CBLB: variants seen among roughly 807,000 people sequenced by gnomAD.
The protein encoded by CBLB is E3 ubiquitin-protein ligase CBL-B.
A neutral mutation model predicts 104.9 loss-of-function variants in CBLB; 31 were observed. The observed-to-expected ratio is 0.30, with a 90% confidence interval of 0.22 to 0.40. The LOEUF is 0.40. CBLB is among the 10% of genes least tolerant of loss of function. The pLI, the probability that CBLB is intolerant of heterozygous loss-of-function variation, is 1.00. For missense variants in CBLB, 1,062 were observed against 1,214.6 expected (o/e 0.87, Z 1.87); for synonymous variants, 440 against 422.6 (o/e 1.04, Z -0.51).
At chr3:105,820,727 T>C (rs1460900045) in intron 3 of CBLB, among the ~76,000 whole-genome samples, 1 of 152,132 alleles carries the variant, frequency 6.6e-6, no homozygotes, top group South Asian at 2.1e-4. Flanking sequence ...GAATTTTTTT[T>C]AATTTTATAC....
At position 105,764,324 on chromosome 3, in the gene CBLB, T is replaced by C. The variant is rs1409964692; in HGVS notation, c.566+12072A>G. Among the ~76,000 whole-genome samples the C allele has an allele frequency of 2.0e-5, 3 of 152,186 alleles. No homozygotes were observed. In the East Asian group the frequency reaches 5.8e-4, roughly 29 times the overall value. On this transcript the variant is annotated intron_variant, in intron 4 of 18. Transcript: ENST00000394030. ...TGTCCAGGAAAGGATTGTGATGAAT[T>C]AGAAGAGAGATTATCTAAGAAAAAC...
intron 3 of CBLB, among the ~76,000 whole-genome samples, chr3:105,781,090 T>A (rs1195952374): frequency 6.6e-6 from 1 of 152,010 alleles, no homozygotes; most frequent in African/African-American, 2.4e-5. Context: ...GAGGGAGGAA[T>A]AAAAACCAAG....
At position 105,838,284 on chromosome 3, in the gene CBLB, A is replaced by C. The variant is rs77377414; in HGVS notation, c.419+15130T>G. On this transcript the variant is annotated intron_variant, in intron 3 of 18. Transcript: ENST00000394030. ...TTTTTTTTTTTTTTTTTTTGTAGAG[A>C]TGGGGTCTCTCTGTTACCCAGGCTC... Among the ~76,000 whole-genome samples the C allele has an allele frequency of 6.3e-3, 637 of 100,968 alleles. 22 individuals are homozygous for C. In the East Asian group the frequency reaches 0.074, roughly 12 times the overall value. 66.2% of individuals were successfully genotyped at this position (100,968 alleles called of 152,430 possible).
intron 3 of CBLB, chr3:105,839,527 A>C (rs1233517482): frequency 1.3e-5 from 2 of 152,254 alleles, no homozygotes; most frequent in Admixed American, 1.3e-4. Flanking sequence ...TTTAAGTTTA[A>C]AAATGCCAAG....
rs114656391 is a variant in CBLB, at chr3:105,802,554, G to A, written c.420-26012C>T. 1.7e-3 allele frequency among the ~76,000 whole-genome samples: 263 copies of A among 152,272 alleles called. 1 individual carries two copies. Among genetic ancestry groups the A allele is most frequent in the African/African-American group, 5.7e-3 (235 of 41,550 alleles). ...ATGAAGGTCCCACGGGATTTGTAAC[G>A]GACCCACAGCTAACACCAATACATG... On this transcript the variant is annotated intron_variant, in intron 3 of 18. Coordinates refer to ENST00000394030, the MANE Select transcript of CBLB (RefSeq NM_170662.5).
chr3:105,841,331 C>CACAAAA (rs1482886960), intron 3 of CBLB, among the ~76,000 whole-genome samples: 6 of 151,666 alleles, frequency 4.0e-5, no homozygotes, highest in Non-Finnish European at 8.8e-5. Flanking sequence ...ATGTTCACAC[C>CACAAAA]ACAAAGTTTC....
chr3:105,805,881 T>C (rs181989879), intron 3 of CBLB, among the ~76,000 whole-genome samples: 6 of 151,586 alleles, frequency 4.0e-5, no homozygotes, highest in Admixed American at 3.9e-4. Context: ...CACTGCATGA[T>C]TCTTAAGAAA....
At chr3:105,867,295 T>C (rs1205891935) in intron 2 of CBLB, 115 bp downstream of exon 2, 15 of 1,029,840 alleles carry the variant, frequency 1.5e-5, no homozygotes, top group African/African-American at 6.3e-5. Context: ...TGAATTGAAA[T>C]CAAAAGATTG....
chr3:105,761,142 G>A (rs113935858), intron 4 of CBLB, among the ~76,000 whole-genome samples: 40 of 152,174 alleles, frequency 2.6e-4, no homozygotes, highest in African/African-American at 9.2e-4. Flanking sequence ...AAGTGATTCT[G>A]GTGCCTCAGC....
chr3:105,841,998 G>C (rs2089616131), intron 3 of CBLB, among the ~76,000 whole-genome samples: 1 of 151,314 alleles, frequency 6.6e-6, no homozygotes, highest in African/African-American at 2.4e-5. Flanking sequence ...AGATAATAGG[G>C]ACAGTGTTTT....
chr3:105,864,569 A>T (rs2092315393), intron 2 of CBLB, among the ~76,000 whole-genome samples: 5 of 152,170 alleles, frequency 3.3e-5, no homozygotes. Flanking sequence ...ATGTTTTGGG[A>T]TATGCTACTA....
intron 3 of CBLB, among the ~76,000 whole-genome samples, chr3:105,804,974 C>T (rs1166085576): frequency 6.6e-6 from 1 of 152,168 alleles, no homozygotes; most frequent in Non-Finnish European, 1.5e-5. Flanking sequence ...TTCTTCACTG[C>T]ATGGTAACTT....
At chr3:105,688,416 T>C (rs1195799077) in intron 13 of CBLB, among the ~76,000 whole-genome samples, 1 of 152,074 alleles carries the variant, frequency 6.6e-6, no homozygotes, top group Non-Finnish European at 1.5e-5. Context: ...AATACATTCA[T>C]CTTCTACATA....
intron 4 of CBLB, among the ~76,000 whole-genome samples, chr3:105,759,889 A>T (rs1576951376): frequency 2.0e-5 from 3 of 152,194 alleles, no homozygotes; most frequent in Admixed American, 2.0e-4. Context: ...CCTGCTCCAT[A>T]GAGCACACAG....
chr3:105,670,784 C>G (rs987058653), intron 17 of CBLB: 1 of 170,902 alleles, frequency 5.9e-6, no homozygotes, highest in Non-Finnish European at 1.3e-5. Context: ...TACTTGATCT[C>G]TCTAAGCATT....
intron 4 of CBLB, among the ~76,000 whole-genome samples, chr3:105,773,489 TTCAA>T (rs1184635090): frequency 2.0e-5 from 3 of 152,192 alleles, no homozygotes; most frequent in African/African-American, 4.8e-5. Flanking sequence ...AAATCACCAC[TTCAA>T]TCAATCACTT....
Position 105,810,855 on chromosome 3 carries a change from C to T in CBLB, c.420-34313G>A, listed in dbSNP as rs180976832. Among the ~76,000 whole-genome samples the T allele has an allele frequency of 1.6e-4, 24 of 152,126 alleles. 1 individual carries two copies. The South Asian group carries it at 4.8e-3, about 30-fold the overall frequency. On this transcript the variant is annotated intron_variant, in intron 3 of 18. Coordinates refer to ENST00000394030, the MANE Select transcript of CBLB (RefSeq NM_170662.5). ...TCCAGGAAATACTAAGTAAGGTTGC[C>T]TCCTGATCAATTTTAGACCGTAAGT...
chr3:105,724,020 T>C (rs2073256541), intron 9 of CBLB: 1 of 164,370 alleles, frequency 6.1e-6, no homozygotes, highest in Non-Finnish European at 1.3e-5. Context: ...TTCTAATTTA[T>C]ATTACCTTGC....
chr3:105,821,746 C>G (rs1174707108), intron 3 of CBLB, among the ~76,000 whole-genome samples: 1 of 152,148 alleles, frequency 6.6e-6, no homozygotes, highest in Non-Finnish European at 1.5e-5. Context: ...ACTGATTTGT[C>G]CTTTCTTCCT....
Sources: allele counts gnomAD v4.1 joint callset (sites outside exome capture counted in the v4.1 genomes callset), GRCh38; gene constraint gnomAD v4.1.1; transcripts MANE v1.5; gene names NCBI Gene and HGNC (gene_info 2026-07-23, HGNC 2026-07-21).